Variants in KLHL5 observed in about 807,000 individuals in gnomAD.
The protein encoded by KLHL5 is kelch-like protein 5.
A neutral mutation model predicts 77.7 loss-of-function variants in KLHL5; 48 were observed. The ratio of observed to expected loss-of-function variants is 0.62; its 90% confidence interval spans 0.49 to 0.79. KLHL5 has a LOEUF of 0.79. Among genes scored for constraint, KLHL5 ranks in the 30% least tolerant of loss-of-function variants. The pLI is 0.00. For missense variants in KLHL5, 723 were observed against 859.7 expected (o/e 0.84, Z 1.99); for synonymous variants, 260 against 297.0 (o/e 0.88, Z 1.28).
At chr4:39,130,904 G>C (rs773449060), downstream of KLHL5, among the ~76,000 whole-genome samples, 1 of 151,490 alleles carries the variant, frequency 6.6e-6, no homozygotes, top group Non-Finnish European at 1.5e-5. Flanking sequence ...GCTTAATGGT[G>C]TGATCTCGGC....
intron 7 of KLHL5, among the ~76,000 whole-genome samples, chr4:39,104,984 C>T (rs759914983): frequency 2.8e-4 from 43 of 151,920 alleles, no homozygotes; most frequent in Non-Finnish European, 5.6e-4. Context: ...AGGATGGTCT[C>T]GATCTCTTGA....
In KLHL5 at chr4:39,125,576, A is replaced by T. The variant is rs1723492042; in HGVS notation, c.*4510A>T. ...GATGAGCCTTGAGCGCATTTTTGCC[A>T]AGTGAAAGAAGGCAGACACAAAAGG... On this transcript the variant is annotated 3_prime_UTR_variant, in exon 11 of 11. Coordinates refer to ENST00000504108, the MANE Select transcript of KLHL5 (RefSeq NM_015990.5). Among the ~76,000 whole-genome samples the T allele has an allele frequency of 6.6e-6, 1 of 152,200 alleles. No individual in the cohort carries two copies. Among genetic ancestry groups the T allele is most frequent in the African/African-American group, 2.4e-5 (1 of 41,438 alleles).
the KLHL5 span, among the ~76,000 whole-genome samples, chr4:39,138,686 G>A: frequency 6.6e-6 from 1 of 152,064 alleles, no homozygotes; most frequent in Non-Finnish European, 1.5e-5. Flanking sequence ...TAATTAATCT[G>A]TACAAGAAAC....
At chr4:39,113,328 G>C in intron 9 of KLHL5, 96 bp downstream of exon 9, 9 of 1,012,872 alleles carry the variant, frequency 8.9e-6, no homozygotes, top group Non-Finnish European at 1.3e-5. Context: ...AATTGGAAGG[G>C]AAAGTCGGCA....
At chr4:39,132,166 G>A in the KLHL5 span, among the ~76,000 whole-genome samples, 4 of 152,004 alleles carry the variant, frequency 2.6e-5, no homozygotes, top group Non-Finnish European at 5.9e-5. Flanking sequence ...CCATTATCAG[G>A]AGACTACAAA....
At chr4:39,072,465 C>T (rs888104076) in intron 1 of KLHL5, among the ~76,000 whole-genome samples, 1 of 152,120 alleles carries the variant, frequency 6.6e-6, no homozygotes, top group African/African-American at 2.4e-5. Context: ...GACTCTAGAC[C>T]AGCACTGCAC....
rs1719671935 is a variant in KLHL5, at chr4:39,082,117, A to G, written c.858A>G (p.Gln286=). ...GAATTCGTTCTTTTGCTGATGCCCA[A>G]GGTTGTACAGATTTGCATAAAGTGG... ...CLGIRSFADA[Q]GCTDLHKVAH... The change falls in exon 4 of 11, where the codon CAA becomes CAG. Residue 286 remains glutamine, a synonymous_variant. Coordinates refer to ENST00000504108, the MANE Select transcript of KLHL5 (RefSeq NM_015990.5). 3 of 1,610,654 alleles carry G rather than the reference A, an allele frequency of 1.9e-6. No homozygotes were observed. In the East Asian group the frequency reaches 6.7e-5, roughly 36 times the overall value.
In KLHL5 at chr4:39,121,437, A is replaced by T; in HGVS notation, c.*371A>T. 5.5e-6 allele frequency: 1 copy of T among 181,510 alleles called. No individual in the cohort carries two copies. The highest frequency in any genetic ancestry group is 1.1e-5 in the Non-Finnish European group (1 of 87,136). 11.2% of individuals were successfully genotyped at this position (181,510 alleles called of 1,614,324 possible). A position where few individuals can be genotyped will look rare whatever the true frequency, so the allele number is the denominator to read the frequency against. On this transcript the variant is annotated 3_prime_UTR_variant, in exon 11 of 11. Coordinates refer to ENST00000504108, the MANE Select transcript of KLHL5 (RefSeq NM_015990.5). ...CCTACAGTGCAAACACACCAGATGAAACTTTAAAATGTTACTTTTTGTAAG... is the reference window on the plus strand; with the variant it reads ...CCTACAGTGCAAACACACCAGATGATACTTTAAAATGTTACTTTTTGTAAG...
At chr4:39,129,488 A>G (rs1211234022), downstream of KLHL5, among the ~76,000 whole-genome samples, 2 of 152,192 alleles carry the variant, frequency 1.3e-5, no homozygotes, top group East Asian at 3.9e-4. This position sits in a 1 kb window ranked among gnomAD's most constrained non-coding sequence, Gnocchi z 4.2. Flanking sequence ...GATTACAGGC[A>G]TGAGTCACTG....
In KLHL5 at chr4:39,066,733, CTG is replaced by C. The variant is rs149263650; in HGVS notation, c.383+3701_383+3702del. Among the ~76,000 whole-genome samples the C allele has an allele frequency of 5.3e-4, 80 of 152,298 alleles. No individual in the cohort carries two copies. In the East Asian group the frequency reaches 0.014, roughly 27 times the overall value. On this transcript the variant is annotated intron_variant, in intron 1 of 10. Transcript: ENST00000504108. ...GCTGATACTAAGCAGTGCTTCCTAA[CTG>C]TGAGGCACTGTTCTAAGCACTTTAC...
Position 39,062,329 on chromosome 4 carries a change from GTGTT to G in KLHL5, c.-320_-317del. On this transcript the variant is annotated 5_prime_UTR_variant, in exon 1 of 11. The change abolishes the stop of an existing upstream ORF in the 5' untranslated region. Transcript: ENST00000504108. ...GAAAGGACTTTAATGAATGCTGTCA[GTGTT>G]TGTGAGACCTAATGGTCAGTATGGG... 7.1e-7 allele frequency: 1 copy of G among 1,409,710 alleles called. No individual in the cohort carries two copies. The highest frequency in any genetic ancestry group is 1.4e-5 in the African/African-American group (1 of 69,284). 87.3% of individuals were successfully genotyped at this position (1,409,710 alleles called of 1,614,324 possible).
chr4:39,101,755 A>G (rs1183858869), intron 6 of KLHL5, among the ~76,000 whole-genome samples: 1 of 151,454 alleles, frequency 6.6e-6, no homozygotes. Context: ...CTGAGGCACA[A>G]GAATTGCTTG....
chr4:39,047,199 CTT>C (rs1447745031), intron 1 of KLHL5, among the ~76,000 whole-genome samples: 7 of 152,174 alleles, frequency 4.6e-5, no homozygotes, highest in African/African-American at 1.4e-4. Context: ...AGGTGGATCA[CTT>C]GAGGTCAGGA....
At chr4:39,067,673 TC>T in intron 1 of KLHL5, among the ~76,000 whole-genome samples, 1 of 43,832 alleles carries the variant, frequency 2.3e-5, no homozygotes, top group Admixed American at 4.1e-4. Flanking sequence ...CACCCATAAC[TC>T]TTTTTTTTTT....
intron 9 of KLHL5, among the ~76,000 whole-genome samples, chr4:39,114,895 G>A (rs866272607): frequency 9.9e-5 from 15 of 152,062 alleles, no homozygotes; most frequent in African/African-American, 3.4e-4. Context: ...CCAAATTTTC[G>A]GTAGGTAATC....
rs751580971 is a variant in KLHL5 at position 39,056,653 on chromosome 4, G to A, written c.-94-5906G>A. 4.6e-5 allele frequency among the ~76,000 whole-genome samples: 7 copies of A among 152,002 alleles called. 1 individual carries two copies. In the South Asian group the frequency reaches 1.0e-3, roughly 23 times the overall value. On this transcript the variant is annotated intron_variant, in intron 1 of 11. Coordinates refer to the KLHL5 transcript ENST00000261425. Reference sequence around the variant, plus strand: ...TCACTTGTTCACACTTTAAATTTCCGGTTTCTTAAATAGATTAATTTTTGG... The same window carrying A: ...TCACTTGTTCACACTTTAAATTTCCAGTTTCTTAAATAGATTAATTTTTGG...
intron 10 of KLHL5, chr4:39,115,930 T>C (rs1223997587): frequency 2.0e-6 from 2 of 988,544 alleles, no homozygotes; most frequent in African/African-American, 1.7e-5. Flanking sequence ...AATCAGGAAT[T>C]TGTGCTTGTG....
intron 5 of KLHL5, among the ~76,000 whole-genome samples, chr4:39,087,267 C>T (rs548248190): frequency 1.3e-5 from 2 of 152,280 alleles, no homozygotes; most frequent in South Asian, 2.1e-4. Context: ...CAGCTACAAA[C>T]CTATCCTACC....
downstream of KLHL5, among the ~76,000 whole-genome samples, chr4:39,130,169 C>T (rs144144316): frequency 2.1e-3 from 325 of 152,194 alleles, no homozygotes; most frequent in African/African-American, 7.2e-3. Flanking sequence ...CAGAGAGCCC[C>T]GAACAGAGAT....
Sources: allele counts gnomAD v4.1 joint callset (sites outside exome capture counted in the v4.1 genomes callset), GRCh38; gene constraint gnomAD v4.1.1; non-coding constraint Gnocchi (gnomAD v3.1); transcripts MANE v1.5; gene names NCBI Gene and HGNC (gene_info 2026-07-23, HGNC 2026-07-21).